SSU72: variants seen among roughly 807,000 people sequenced by gnomAD.
SSU72 encodes the protein RNA polymerase II subunit A C-terminal domain phosphatase SSU72.
Under a neutral mutation model 22.7 loss-of-function variants are expected in SSU72, and 12 were observed. That is an observed-to-expected ratio of 0.53 (90% CI 0.34 to 0.86). The LOEUF is 0.86. Ranked by LOEUF, SSU72 falls within the 40% of genes least tolerant of loss-of-function variation. The pLI is 0.02. For synonymous variants in SSU72, 116 were observed against 98.3 expected, an observed-to-expected ratio of 1.18 and a Z score of -1.06; for missense variants, 151 against 249.8, an observed-to-expected ratio of 0.60 and a Z score of 2.67.
chr1:1,565,931 CTTAAGT>C (rs1380783139), intron 1 of SSU72, among the ~76,000 whole-genome samples: 5 of 152,134 alleles, frequency 3.3e-5, no homozygotes, highest in Non-Finnish European at 7.3e-5. Context: ...GACAAGCACA[CTTAAGT>C]TTGTCACAAC....
intron 4 of SSU72, among the ~76,000 whole-genome samples, chr1:1,543,309 C>T (rs565777102): frequency 1.6e-4 from 24 of 152,334 alleles, no homozygotes; most frequent in Admixed American, 1.3e-3. Context: ...CCGACTGCAC[C>T]GCATCCCGGA....
rs938530186 is a variant in SSU72, at chr1:1,570,743, G to A, written c.80+3735C>T. Among the ~76,000 whole-genome samples, 10 of 152,344 alleles carry A rather than the reference G, an allele frequency of 6.6e-5. 1 individual carries two copies. Among genetic ancestry groups the A allele is most frequent in the East Asian group, 1.9e-4 (1 of 5,192 alleles). ...ACAAGAGCTTATCCCCGATGCATGC[G>A]TGAACACATGGAGACAGACGGACAC... On this transcript the variant is annotated intron_variant, in intron 1 of 4. Transcript: ENST00000291386.
chr1:1,566,833 G>A (rs564359309), intron 1 of SSU72, among the ~76,000 whole-genome samples: 18 of 148,732 alleles, frequency 1.2e-4, no homozygotes, highest in African/African-American at 3.3e-4. Context: ...CAGCCTGGGC[G>A]ACAAGAGCGA....
intron 1 of SSU72, among the ~76,000 whole-genome samples, chr1:1,571,661 G>A (rs1278810530): frequency 6.6e-6 from 1 of 152,124 alleles, no homozygotes; most frequent in Non-Finnish European, 1.5e-5. Flanking sequence ...CCACAGCTCT[G>A]CCAGCAACGG....
rs558599074 is a variant in SSU72, at chr1:1,559,716, C to T, written c.224+5057G>A. On this transcript the variant is annotated intron_variant, in intron 2 of 4. Transcript: ENST00000291386. ...CTGGGATTACAGGCACACGCCACCA[C>T]ACCCAGCTACTTTTTGTATTTTATT... Among the ~76,000 whole-genome samples the T allele has an allele frequency of 2.2e-4, 32 of 146,996 alleles. No homozygotes were observed. The East Asian group carries it at 5.4e-3, about 25-fold the overall frequency.
intron 2 of SSU72, among the ~76,000 whole-genome samples, chr1:1,558,694 C>G (rs1229737120): frequency 2.0e-5 from 3 of 150,734 alleles, no homozygotes; most frequent in South Asian, 4.2e-4. Context: ...TCCCACACAC[C>G]TTCTCATGTG....
intron 2 of SSU72, chr1:1,545,300 C>G (rs1642377108): frequency 2.6e-6 from 1 of 384,762 alleles, no homozygotes; most frequent in Non-Finnish European, 4.8e-6. Context: ...CACCTTCTAC[C>G]CAGACCTCTC....
chr1:1,561,205 CT>C (rs1471525521), intron 2 of SSU72: 1 of 152,284 alleles, frequency 6.6e-6, no homozygotes, highest in Non-Finnish European at 1.5e-5. Flanking sequence ...CTGCCTCAGC[CT>C]CCCAAGTAGC....
rs978749992 is a variant in SSU72, at chr1:1,553,428, C to T, written c.225-8426G>A. ...CAGGCAGATCACGAGGTTAGGAAAT[C>T]GAGATCATCCTTGCTAACATGGTGA... is the stretch of plus-strand genomic sequence containing the variant. On this transcript the variant is annotated intron_variant, in intron 2 of 4. Coordinates refer to ENST00000291386, the MANE Select transcript of SSU72 (RefSeq NM_014188.3). Among the ~76,000 whole-genome samples, 6 of 152,144 alleles carry T rather than the reference C, an allele frequency of 3.9e-5. No individual in the cohort carries two copies. The East Asian group carries it at 5.8e-4, about 15-fold the overall frequency.
chr1:1,574,636 G>A lies in SSU72; in HGVS notation c.-79C>T. The A allele has an allele frequency of 7.2e-7, 1 of 1,388,668 alleles. No individual in the cohort carries two copies. 86.0% of individuals were successfully genotyped at this position (1,388,668 alleles called of 1,614,324 possible). ...GCGCTTCCGCGCGAACAAAATGGCG[G>A]CCGCGGTGGCCGGAAGCGGGCGACG... On this transcript the variant is annotated 5_prime_UTR_variant, in exon 1 of 5. Coordinates refer to ENST00000291386, the MANE Select transcript of SSU72 (RefSeq NM_014188.3).
chr1:1,568,650 C>T (rs1477322671), intron 1 of SSU72, among the ~76,000 whole-genome samples: 1 of 152,034 alleles, frequency 6.6e-6, no homozygotes, highest in African/African-American at 2.4e-5. Flanking sequence ...TCAGGCGGGG[C>T]ATGGTGGCTC....
At chr1:1,564,204 C>T (rs114454451) in intron 2 of SSU72, 43 of 234,972 alleles carry the variant, frequency 1.8e-4, no homozygotes, top group African/African-American at 8.8e-4. Context: ...TTTAAGAATA[C>T]TCTTCTCTCT....
At chr1:1,543,012 GT>G (rs1642343499) in intron 4 of SSU72, among the ~76,000 whole-genome samples, 1 of 152,234 alleles carries the variant, frequency 6.6e-6, no homozygotes, top group African/African-American at 2.4e-5. Flanking sequence ...TGGTGAAGCT[GT>G]TCTGTTTTTC....
intron 2 of SSU72, among the ~76,000 whole-genome samples, chr1:1,559,445 G>T (rs1642558959): frequency 1.3e-5 from 2 of 152,168 alleles, no homozygotes; most frequent in African/African-American, 4.8e-5. Context: ...TGCATGATTT[G>T]TACATTTTAT....
intron 1 of SSU72, among the ~76,000 whole-genome samples, chr1:1,571,069 C>A (rs932939570): frequency 1.3e-5 from 2 of 151,964 alleles, no homozygotes; most frequent in Non-Finnish European, 2.9e-5. Flanking sequence ...CACGGTGAAA[C>A]CCTGACTCTA....
Position 1,558,355 on chromosome 1 carries a change from G to A in SSU72, c.224+6418C>T, listed in dbSNP as rs971608219. 4.6e-5 allele frequency among the ~76,000 whole-genome samples: 7 copies of A among 152,214 alleles called. No individual in the cohort carries two copies. The Middle Eastern group carries it at 0.01, about 222-fold the overall frequency. On this transcript the variant is annotated intron_variant, in intron 2 of 4. Transcript: ENST00000291386. ...TGCATTGCAGCCCACACGACAGAGA[G>A]ACGCCCTGTCTCAAAACCAAATAAT...
intron 2 of SSU72, among the ~76,000 whole-genome samples, chr1:1,549,679 A>C (rs1288713841): frequency 6.6e-6 from 1 of 151,846 alleles, no homozygotes; most frequent in East Asian, 2.0e-4. Flanking sequence ...ACTCTACTAA[A>C]GTACAAAAAT....
At chr1:1,557,560 A>G (rs1002086771) in intron 2 of SSU72, among the ~76,000 whole-genome samples, 2 of 152,244 alleles carry the variant, frequency 1.3e-5, no homozygotes, top group African/African-American at 4.8e-5. Flanking sequence ...TTGGAAGGCC[A>G]AAACAGGTGG....
At chr1:1,555,780 T>C (rs562953556) in intron 2 of SSU72, among the ~76,000 whole-genome samples, 1 of 151,536 alleles carries the variant, frequency 6.6e-6, no homozygotes, top group Admixed American at 6.6e-5. Context: ...GGCAGACTGC[T>C]TGAGTTCAGG....
Sources: gnomAD v4.1 joint callset for allele counts (sites outside exome capture counted in the v4.1 genomes callset) on GRCh38, gnomAD v4.1.1 for gene constraint, MANE v1.5 for transcripts, NCBI Gene and HGNC (gene_info 2026-07-23, HGNC 2026-07-21) for gene names.